The following PKHD1 variants were observed in gnomAD, a reference collection of about 807,000 sequenced individuals.
PKHD1 encodes the protein fibrocystin.
In PKHD1, 291 loss-of-function variants were observed where a neutral mutation model predicts 412.0. That is an observed-to-expected ratio of 0.71 (90% confidence interval 0.64 to 0.78). The LOEUF is 0.78. Ranked by LOEUF, PKHD1 falls within the 30% of genes least tolerant of loss-of-function variation. The pLI is 0.00. For missense variants in PKHD1, 4,825 were observed against 4,950.7 expected (o/e 0.97, Z 0.76); for synonymous variants, 1,777 against 1,821.5 (o/e 0.98, Z 0.62).
At chr6:51,726,923 A>G (rs1241327473) in intron 60 of PKHD1, among the ~76,000 whole-genome samples, 4 of 152,214 alleles carry the variant, frequency 2.6e-5, no homozygotes, top group African/African-American at 9.6e-5. Flanking sequence ...TAAAGTAGGA[A>G]GACTATCCTG....
chr6:52,064,911 A>G, intron 13 of PKHD1, 44 bp downstream of exon 13: 1 of 898,564 alleles, frequency 1.1e-6, no homozygotes, highest in Non-Finnish European at 1.7e-6. Context: ...CATCATGATT[A>G]AAGATATTCA....
chr6:51,719,071 A>T (rs1433978789), intron 60 of PKHD1, among the ~76,000 whole-genome samples: 3 of 150,626 alleles, frequency 2.0e-5, no homozygotes, highest in Non-Finnish European at 4.4e-5. Context: ...TGACAGCTTC[A>T]TGAAAATATA....
At chr6:51,932,543 C>T (rs1786794903) in intron 37 of PKHD1, among the ~76,000 whole-genome samples, 1 of 152,074 alleles carries the variant, frequency 6.6e-6, no homozygotes. Flanking sequence ...TAAAAAGCAA[C>T]ATATTGGGTT....
chr6:51,974,815 C>T (rs1794154660), intron 35 of PKHD1, among the ~76,000 whole-genome samples: 1 of 152,124 alleles, frequency 6.6e-6, no homozygotes, highest in Non-Finnish European at 1.5e-5. Context: ...ATAATTTATT[C>T]ATGTAACCAA....
intron 48 of PKHD1, among the ~76,000 whole-genome samples, chr6:51,865,079 T>C (rs1185361639): frequency 1.3e-5 from 2 of 152,120 alleles, no homozygotes; most frequent in Non-Finnish European, 2.9e-5. Context: ...GAACTAACAC[T>C]ACCCCTGTCT....
intron 65 of PKHD1, among the ~76,000 whole-genome samples, chr6:51,631,535 C>CT (rs891754928): frequency 1.3e-5 from 2 of 152,120 alleles, no homozygotes; most frequent in Non-Finnish European, 2.9e-5. Flanking sequence ...TTTATTTTGA[C>CT]TTTTTTCTCT....
At chr6:52,020,275 A>C (rs1801204512) in intron 33 of PKHD1, among the ~76,000 whole-genome samples, 1 of 152,302 alleles carries the variant, frequency 6.6e-6, no homozygotes, top group East Asian at 1.9e-4. Flanking sequence ...GCACACACAC[A>C]CCCCTTGGGA....
chr6:51,996,886 G>A (rs897944040), intron 35 of PKHD1, among the ~76,000 whole-genome samples: 15 of 152,190 alleles, frequency 9.9e-5, no homozygotes, highest in African/African-American at 3.6e-4. Flanking sequence ...ACAGCTTCAA[G>A]ACTTACCTTC....
intron 66 of PKHD1, chr6:51,621,832 T>C (rs972594976): frequency 9.2e-5 from 14 of 152,166 alleles, no homozygotes; most frequent in Admixed American, 5.9e-4. Context: ...ACAGGAAGCT[T>C]AGATCTCAGA....
chr6:51,902,442 T>G (rs1242187785), intron 43 of PKHD1, among the ~76,000 whole-genome samples: 1 of 152,130 alleles, frequency 6.6e-6, no homozygotes, highest in South Asian at 2.1e-4. Flanking sequence ...TACTGGCATA[T>G]TAGCCACTCC....
At chr6:51,641,921 G>A (rs1769416732) in intron 63 of PKHD1, among the ~76,000 whole-genome samples, 1 of 152,138 alleles carries the variant, frequency 6.6e-6, no homozygotes, top group Admixed American at 6.5e-5. Context: ...GGGAGGGATA[G>A]CATTAGGAGA....
intron 55 of PKHD1, among the ~76,000 whole-genome samples, chr6:51,758,699 G>T (rs1019703885): frequency 1.3e-5 from 2 of 151,990 alleles, no homozygotes; most frequent in African/African-American, 4.8e-5. Flanking sequence ...AATCACTGTG[G>T]AAGTCTTTTT....
chr6:51,767,886 C>T (rs761491039), intron 55 of PKHD1, among the ~76,000 whole-genome samples: 1 of 152,132 alleles, frequency 6.6e-6, no homozygotes, highest in African/African-American at 2.4e-5. Context: ...CCCAAGGAAT[C>T]GCCACACTGA....
intron 53 of PKHD1, among the ~76,000 whole-genome samples, chr6:51,776,834 T>C (rs945252511): frequency 6.6e-6 from 1 of 152,130 alleles, no homozygotes; most frequent in Non-Finnish European, 1.5e-5. Context: ...GAATTCTTTC[T>C]GACCTAATTT....
At chr6:51,898,183 C>G (rs1449705966) in intron 43 of PKHD1, among the ~76,000 whole-genome samples, 1 of 152,122 alleles carries the variant, frequency 6.6e-6, no homozygotes, top group Non-Finnish European at 1.5e-5. Context: ...ATCTACAGAA[C>G]TCTCCACCTC....
At chr6:51,736,045 G>A (rs1350802832) in intron 60 of PKHD1, among the ~76,000 whole-genome samples, 1 of 152,154 alleles carries the variant, frequency 6.6e-6, no homozygotes, top group African/African-American at 2.4e-5. Context: ...CTATAAAATG[G>A]AGGCAACAGG....
In PKHD1 at chr6:51,744,455, C is replaced by T; in HGVS notation, c.10086G>A (p.Leu3362=). Reference sequence around the variant, plus strand: ...ATACAGAAACTGGTGGAGGCAGACCCAGGGCTCTCCCATCCAGATCCTTGA... The same window carrying T: ...ATACAGAAACTGGTGGAGGCAGACCTAGGGCTCTCCCATCCAGATCCTTGA... ...YLFKDLDGRA[L]GLPPPVSVFP... Residue 3362 remains leucine (L), a synonymous_variant, in exon 60 of 67, where the codon CTG becomes CTA. Transcript: ENST00000371117. The T allele has an allele frequency of 6.2e-7, 1 of 1,613,278 alleles. No individual in the cohort carries two copies. The highest frequency in any genetic ancestry group is 8.5e-7 in the Non-Finnish European group (1 of 1,179,272).
At chr6:51,721,385 T>A (rs1781907171) in intron 60 of PKHD1, 2 of 456,060 alleles carry the variant, frequency 4.4e-6, no homozygotes, top group Non-Finnish European at 5.7e-6. Context: ...ATTATTAATA[T>A]ACCAATAATA....
At chr6:51,626,496 T>G (rs1375633490) in intron 66 of PKHD1, among the ~76,000 whole-genome samples, 1 of 152,162 alleles carries the variant, frequency 6.6e-6, no homozygotes, top group African/African-American at 2.4e-5. Flanking sequence ...TAATATCATC[T>G]GACATAACAC....
Sources: gnomAD v4.1 joint callset for allele counts (sites outside exome capture counted in the v4.1 genomes callset) on GRCh38, gnomAD v4.1.1 for gene constraint, MANE v1.5 for transcripts, NCBI Gene and HGNC (gene_info 2026-07-23, HGNC 2026-07-21) for gene names.